CKAP2L: variants seen among roughly 807,000 people sequenced by gnomAD.
CKAP2L encodes cytoskeleton associated protein 2L.
Under a neutral mutation model 65.7 loss-of-function variants are expected in CKAP2L, and 42 were observed. That is an observed-to-expected ratio of 0.64 (90% CI 0.50 to 0.83). The LOEUF (loss-of-function observed/expected upper bound fraction) is 0.83, where lower values mean the gene tolerates loss of function less well. CKAP2L is among the 40% of genes least tolerant of loss of function. The pLI is 0.00. For synonymous variants in CKAP2L, 325 were observed against 313.5 expected (o/e 1.04, Z -0.39); for missense variants, 908 against 871.0 (o/e 1.04, Z -0.53).
intron 4 of CKAP2L, 42 bp downstream of exon 4, chr2:112,755,935 A>G (rs762262127): frequency 6.6e-7 from 1 of 1,512,960 alleles, no homozygotes; most frequent in Non-Finnish European, 8.8e-7. Context: ...CAATTTGCCT[A>G]ATCATCTTAA....
chr2:112,739,718 A>G (rs4849118), intron 8 of CKAP2L, among the ~76,000 whole-genome samples: 66,479 of 152,060 alleles, frequency 0.44, 15,768 homozygotes, highest in East Asian at 0.69. Flanking sequence ...CCAGTGGTGC[A>G]ATCACAGCTC....
chr2:112,757,048 A>G lies in CKAP2L; in HGVS notation c.323T>C (p.Val108Ala), dbSNP rs1367395465. The change falls in exon 4 of 9, where the codon GTT (valine) becomes GCT (alanine). Residue 108 changes from valine (V) to alanine (A), a missense_variant. Coordinates refer to ENST00000302450, the MANE Select transcript of CKAP2L (RefSeq NM_152515.5). ...AGGCTTAGAGTATGGGTTAGAAGAA[A>G]CACATTCTGAAGTCAGCCTTTTGCC... is the stretch of plus-strand genomic sequence containing the variant. The part of the protein sequence containing the change: ...LLGKRLTSEC[V>A]SSNPYSKPSS... The G allele has an allele frequency of 6.2e-7, 1 of 1,614,190 alleles. No homozygotes were observed. Among genetic ancestry groups the G allele is most frequent in the Admixed American group, 1.7e-5 (1 of 60,026 alleles).
At chr2:112,749,169 A>G (rs1680294397) in intron 5 of CKAP2L, among the ~76,000 whole-genome samples, 1 of 152,230 alleles carries the variant, frequency 6.6e-6, no homozygotes, top group Admixed American at 6.5e-5. Flanking sequence ...CATTTATATG[A>G]GACATACCTA....
chr2:112,760,377 G>C (rs1450932262), intron 3 of CKAP2L, among the ~76,000 whole-genome samples: 1 of 152,192 alleles, frequency 6.6e-6, no homozygotes, highest in Non-Finnish European at 1.5e-5. Flanking sequence ...TATCTGTAAA[G>C]TGGGGCTACT....
At chr2:112,744,545 C>A (rs1680139386) in intron 6 of CKAP2L, among the ~76,000 whole-genome samples, 1 of 152,166 alleles carries the variant, frequency 6.6e-6, no homozygotes, top group Non-Finnish European at 1.5e-5. Context: ...ATGTATTCTG[C>A]AAGTCTCTGA....
intron 8 of CKAP2L, 114 bp downstream of exon 8, chr2:112,740,704 G>T: frequency 2.5e-6 from 2 of 798,532 alleles, no homozygotes; most frequent in Non-Finnish European, 4.1e-6. Flanking sequence ...GACTCTGGCA[G>T]CACCTTCCTC....
rs1574303403 is a variant in CKAP2L at position 112,737,791 on chromosome 2, T to A, written c.*1032A>T. 6.6e-6 allele frequency: 1 copy of A among 152,338 alleles called. No homozygotes were observed. The highest frequency in any genetic ancestry group is 2.4e-5 in the African/African-American group (1 of 41,578). The allele number at this position is 152,338 out of a possible 1,614,324, so 9.4% of individuals were successfully genotyped here. On this transcript the variant is annotated 3_prime_UTR_variant, in exon 9 of 9. Transcript: ENST00000302450. ...CTTGTTTCTTAGGACAGCCAACTGG[T>A]ATATCCTTAGACAAACTCCTAATTC...
chr2:112,742,415 C>T (rs1046355348), intron 7 of CKAP2L: 35 of 717,462 alleles, frequency 4.9e-5, no homozygotes, highest in Non-Finnish European at 8.6e-5. Context: ...GCCTCAGTCT[C>T]TTCCAGCAAA....
intron 3 of CKAP2L, 48 bp downstream of exon 3, chr2:112,760,665 A>AC (rs1680689999): frequency 1.1e-6 from 1 of 887,734 alleles, no homozygotes; most frequent in Middle Eastern, 2.3e-4. Context: ...TTTTATTACT[A>AC]ATCATACTTA....
At chr2:112,764,469 G>T in intron 1 of CKAP2L, 93 bp downstream of exon 1, 4 of 1,388,658 alleles carry the variant, frequency 2.9e-6, no homozygotes, top group Non-Finnish European at 4.1e-6. Flanking sequence ...GAGCGGACGG[G>T]CACCTCCCGC....
At chr2:112,755,304 CTAATTTTG>C (rs1349889738) in intron 4 of CKAP2L, among the ~76,000 whole-genome samples, 1 of 152,110 alleles carries the variant, frequency 6.6e-6, no homozygotes, top group African/African-American at 2.4e-5. Flanking sequence ...CCACGCCTGG[CTAATTTTG>C]TATTTTTAGT....
Position 112,746,474 on chromosome 2 carries a change from T to G in CKAP2L, c.1704A>C (p.Lys568Asn). 6.2e-7 allele frequency: 1 copy of G among 1,613,378 alleles called. No individual in the cohort carries two copies. The highest frequency in any genetic ancestry group is 8.5e-7 in the Non-Finnish European group (1 of 1,179,480). ...WICKAKLLAS[K>N]GTFDVIGLYE... ...ATAGCCCAATAACATCAAAGGTGCC[T>G]TTACTTGCCAACAACTTTGCTTTGC... The change falls in exon 6 of 9, where the codon AAA (lysine) becomes AAC (asparagine). Residue 568 changes from lysine (K) to asparagine (N), a missense_variant. Lys to Asn is a moderately conservative substitution (Grantham distance 94, BLOSUM62 0). Coordinates refer to ENST00000302450, the MANE Select transcript of CKAP2L (RefSeq NM_152515.5).
Sources: gnomAD v4.1 joint callset for allele counts (sites outside exome capture counted in the v4.1 genomes callset) on GRCh38, gnomAD v4.1.1 for gene constraint, MANE v1.5 for transcripts, NCBI Gene and HGNC (gene_info 2026-07-23, HGNC 2026-07-21) for gene names.